Variants in NRIP2 observed in about 807,000 individuals in gnomAD.
NRIP2 encodes the protein nuclear receptor interacting protein 2.
In NRIP2, 27 loss-of-function variants were observed where a neutral mutation model predicts 34.1. That is an observed-to-expected ratio of 0.79 (90% CI 0.58 to 1.09). The LOEUF is 1.09. Among genes scored for constraint, NRIP2 ranks in the 50% least tolerant of loss-of-function variants. The probability of loss-of-function intolerance (pLI) is 0.00; values close to 1 mark genes in which losing one functional copy is unlikely to be tolerated. For synonymous variants in NRIP2, 145 were observed against 146.9 expected, an observed-to-expected ratio of 0.99 and a Z score of 0.09; for missense variants, 385 against 352.6, an observed-to-expected ratio of 1.09 and a Z score of -0.74.
chr12:2,834,636 C>A lies in NRIP2; in HGVS notation c.342+6G>T. ...GGACGCTGGCAGGGGAGGGGTGATG[C>A]CTCACCAAGTCCTTGGAGGTGCCGA... On this transcript the variant is annotated splice_donor_region_variant and intron_variant, in intron 1 of 5. Coordinates refer to ENST00000337508, the MANE Select transcript of NRIP2 (RefSeq NM_031474.3). 1 of 1,576,370 alleles carries A rather than the reference C, an allele frequency of 6.3e-7. No homozygotes were observed.
In NRIP2 at chr12:2,834,673, C is replaced by A. The variant is rs1455020939; in HGVS notation, c.311G>T (p.Ser104Ile). ...CTTGGAGGTGCCGAGCCTCTTGAGG[C>A]TGTCCAGCGGGAGCAGGTCGGCCGA... ...KDSADLLPLDSLKRLGTSKDL... is the reference protein window; with the variant it reads ...KDSADLLPLDILKRLGTSKDL... The change falls in exon 1 of 6, where the codon AGC becomes ATC. Residue 104 changes from serine (S) to isoleucine (I), a missense_variant. Physicochemically the swap from Ser to Ile is moderately radical, Grantham distance 142 (BLOSUM62 -2). Coordinates refer to ENST00000337508, the MANE Select transcript of NRIP2 (RefSeq NM_031474.3). 6.2e-7 allele frequency: 1 copy of A among 1,610,344 alleles called. No individual in the cohort carries two copies.
At position 2,825,757 on chromosome 12, in the gene NRIP2, C is replaced by G. The variant is rs1411538397; in HGVS notation, c.*1450G>C. 1 of 152,346 alleles carries G rather than the reference C, an allele frequency of 6.6e-6. No individual in the cohort carries two copies. Among genetic ancestry groups the G allele is most frequent in the East Asian group, 1.9e-4 (1 of 5,196 alleles). The allele number at this position is 152,346 out of a possible 1,614,324, so 9.4% of individuals were successfully genotyped here. ...AGGTTAGCTGTACCACTGTCTTTCT[C>G]TGCTCCTTTTTTGTTTGTTTTTGGA... On this transcript the variant is annotated 3_prime_UTR_variant, in exon 6 of 6. Transcript: ENST00000337508.
chr12:2,828,548 CT>C, intron 2 of NRIP2, 134 bp from the exon 3 acceptor site: 2 of 744,428 alleles, frequency 2.7e-6, no homozygotes, highest in Admixed American at 2.7e-5. Context: ...TTAAAACTGG[CT>C]TTTATCGGGG....
rs915377989 is a variant in NRIP2, at chr12:2,825,478, G to A, written c.*1729C>T. On this transcript the variant is annotated 3_prime_UTR_variant, in exon 6 of 6. Coordinates refer to ENST00000337508, the MANE Select transcript of NRIP2 (RefSeq NM_031474.3). Reference sequence around the variant, plus strand: ...GCACAGCACAAGACCCAGGAAAGTGGACCTTGTGGAGCAAGGCAGTGAGGG... The same window carrying A: ...GCACAGCACAAGACCCAGGAAAGTGAACCTTGTGGAGCAAGGCAGTGAGGG... 19 of 152,508 alleles carry A rather than the reference G, an allele frequency of 1.2e-4. No individual in the cohort carries two copies. Among genetic ancestry groups the A allele is most frequent in the African/African-American group, 4.6e-4 (19 of 41,470 alleles). 9.4% of individuals were successfully genotyped at this position (152,508 alleles called of 1,614,324 possible).
In NRIP2 at chr12:2,827,855, C is replaced by T; in HGVS notation, c.700+71G>A. The T allele has an allele frequency of 6.2e-7, 1 of 1,610,146 alleles. No homozygotes were observed. The highest frequency in any genetic ancestry group is 8.5e-7 in the Non-Finnish European group (1 of 1,178,986). On this transcript the variant is annotated intron_variant, in intron 4 of 5. Transcript: ENST00000337508. The surrounding 1 kb of genome is among the most constrained non-coding windows in gnomAD (Gnocchi z 4.0). ...TCCTCGTGCTGCAGGGAGTGAAAGT[C>T]TCAGCCTTTGCCCCACCCCAAAGAG...
chr12:2,830,539 T>C, intron 2 of NRIP2, 169 bp downstream of exon 2: 1 of 624,910 alleles, frequency 1.6e-6, no homozygotes, highest in African/African-American at 1.9e-5. Context: ...GAGACATGGC[T>C]TGGGGCAGGG....
rs1464373668 is a variant in NRIP2 at position 2,826,466 on chromosome 12, C to T, written c.*741G>A. The T allele has an allele frequency of 6.6e-6, 1 of 152,148 alleles. No individual in the cohort carries two copies. Among genetic ancestry groups the T allele is most frequent in the African/African-American group, 2.4e-5 (1 of 41,366 alleles). 9.4% of individuals were successfully genotyped at this position (152,148 alleles called of 1,614,324 possible). ...CTTCCACACACACACACGCAAGGCT[C>T]AGGGGCTCGGTGGGTACAAAAAGCC... On this transcript the variant is annotated 3_prime_UTR_variant, in exon 6 of 6. Transcript: ENST00000337508.
At position 2,827,571 on chromosome 12, in the gene NRIP2, C is replaced by T; in HGVS notation, c.753+54G>A. Reference sequence around the variant, plus strand: ...ACCTGGTCCAGGTTCCACACCTGTGCCTTCTACTACTTTTTCCCAGTGCTT... The same window carrying T: ...ACCTGGTCCAGGTTCCACACCTGTGTCTTCTACTACTTTTTCCCAGTGCTT... On this transcript the variant is annotated intron_variant, in intron 5 of 5. Transcript: ENST00000337508. This position sits in a 1 kb window ranked among gnomAD's most constrained non-coding sequence, Gnocchi z 4.0. 5 of 1,613,230 alleles carry T rather than the reference C, an allele frequency of 3.1e-6. No homozygotes were observed. Among genetic ancestry groups the T allele is most frequent in the East Asian group, 2.2e-5 (1 of 44,870 alleles).
At position 2,826,817 on chromosome 12, in the gene NRIP2, TGGG is replaced by T; in HGVS notation, c.*387_*389del. ...AGGTGTGGTGAGAGACATGGTGGTG[TGGG>T]AAGTTGAGTTGTGTTTGGGGTGGTA... On this transcript the variant is annotated 3_prime_UTR_variant, in exon 6 of 6. Coordinates refer to ENST00000337508, the MANE Select transcript of NRIP2 (RefSeq NM_031474.3). 3.4e-5 allele frequency: 9 copies of T among 265,290 alleles called. No homozygotes were observed. The highest frequency in any genetic ancestry group is 8.8e-5 in the South Asian group (2 of 22,746). 16.4% of individuals were successfully genotyped at this position (265,290 alleles called of 1,614,324 possible). A position where few individuals can be genotyped will look rare whatever the true frequency, so the allele number is the denominator to read the frequency against.
Position 2,828,006 on chromosome 12 carries a change from G to C in NRIP2, c.620C>G (p.Ala207Gly). Residue 207 changes from alanine (A) to glycine (G), a missense_variant, in exon 4 of 6, where the codon GCC (alanine) becomes GGC (glycine). Physicochemically the swap from Ala to Gly is moderately conservative, Grantham distance 60. Transcript: ENST00000337508. The part of the protein sequence containing the change: ...RVLKASAGDL[A>G]PGPPTQVEQL... Reference sequence around the variant, plus strand: ...CTCCACCTGGGTTGGGGGCCCAGGGGCCAGGTCCCCAGCTGAGGCTTTTAG... The same window carrying C: ...CTCCACCTGGGTTGGGGGCCCAGGGCCCAGGTCCCCAGCTGAGGCTTTTAG... 6.2e-7 allele frequency: 1 copy of C among 1,614,194 alleles called. No homozygotes were observed. Among genetic ancestry groups the C allele is most frequent in the African/African-American group, 1.3e-5 (1 of 75,064 alleles).
chr12:2,834,801 C>G lies in NRIP2; in HGVS notation c.183G>C (p.Glu61Asp), dbSNP rs745463619. Reference protein sequence around the residue: ...MSTKQEARRDEGEARTRGQEA... With the variant: ...MSTKQEARRDDGEARTRGQEA... ...CCTGCCCCCTCGTCCTGGCTTCTCC[C>G]TCATCTCTCCTGGCCTCCTGCTTGG... Residue 61 changes from glutamate (E) to aspartate (D), a missense_variant, in exon 1 of 6, where the codon GAG becomes GAC. Glu to Asp is a conservative substitution (Grantham distance 45). Coordinates refer to ENST00000337508, the MANE Select transcript of NRIP2 (RefSeq NM_031474.3). The G allele has an allele frequency of 6.2e-7, 1 of 1,613,570 alleles. No individual in the cohort carries two copies.
intron 1 of NRIP2, among the ~76,000 whole-genome samples, chr12:2,832,791 C>A (rs1226158676): frequency 6.7e-6 from 1 of 149,820 alleles, no homozygotes. Context: ...GACTCTTCCC[C>A]CAGGCTCTAT....
chr12:2,830,956 C>G (rs559381599), intron 1 of NRIP2, 96 bp from the exon 2 acceptor site: 42 of 1,358,636 alleles, frequency 3.1e-5, no homozygotes, highest in African/African-American at 1.5e-5. Flanking sequence ...ATGCTCCCCC[C>G]ACCCCCCCAG....
rs550525368 is a variant in NRIP2, at chr12:2,828,527, A to T, written c.496-113T>A. 1.7e-5 allele frequency: 14 copies of T among 846,612 alleles called. No individual in the cohort carries two copies. In the East Asian group the frequency reaches 3.2e-4, roughly 19 times the overall value. The allele number at this position is 846,612 out of a possible 1,614,324, so 52.4% of individuals were successfully genotyped here. On this transcript the variant is annotated intron_variant, in intron 2 of 5. Coordinates refer to ENST00000337508, the MANE Select transcript of NRIP2 (RefSeq NM_031474.3). ...TCCCTCCTAGAAATGAGTGGAGAAA[A>T]TGAACTGTCTTTAAAACTGGCTTTT... is the stretch of plus-strand genomic sequence containing the variant.
At position 2,834,682 on chromosome 12, in the gene NRIP2, G is replaced by C. The variant is rs761003150; in HGVS notation, c.302C>G (p.Pro101Arg). ...GCCGAGCCTCTTGAGGCTGTCCAGC[G>C]GGAGCAGGTCGGCCGAGTCCTTGTG... is the stretch of plus-strand genomic sequence containing the variant. ...FLHKDSADLLPLDSLKRLGTS... is the reference protein window; with the variant it reads ...FLHKDSADLLRLDSLKRLGTS... The change falls in exon 1 of 6, where the codon CCG becomes CGG. Residue 101 changes from proline (P) to arginine (R), a missense_variant. Transcript: ENST00000337508. 3 of 1,612,596 alleles carry C rather than the reference G, an allele frequency of 1.9e-6. No homozygotes were observed. Among genetic ancestry groups the C allele is most frequent in the Non-Finnish European group, 2.5e-6 (3 of 1,179,250 alleles).
chr12:2,830,973 G>T, intron 1 of NRIP2, 113 bp from the exon 2 acceptor site: 1 of 1,108,916 alleles, frequency 9.0e-7, no homozygotes, highest in Non-Finnish European at 1.2e-6. Flanking sequence ...CCAGCCCTGA[G>T]CCTTACCCTA....
chr12:2,831,206 GGTT>G (rs937774072), intron 1 of NRIP2, among the ~76,000 whole-genome samples: 1 of 151,622 alleles, frequency 6.6e-6, no homozygotes, highest in South Asian at 2.1e-4. Context: ...TAACTAGGAG[GGTT>G]TTTTTTTTCT....
At chr12:2,833,676 C>T (rs2098014279) in intron 1 of NRIP2, among the ~76,000 whole-genome samples, 1 of 152,120 alleles carries the variant, frequency 6.6e-6, no homozygotes, top group South Asian at 2.1e-4. Context: ...TCCTCTCTTC[C>T]ACGGGTCAGA....
In NRIP2 at chr12:2,834,776, C is replaced by T. The variant is rs201909096; in HGVS notation, c.208G>A (p.Glu70Lys). ...TGGGCTCGGTCTCGAAGCTGTGCCT[C>T]CTGCCCCCTCGTCCTGGCTTCTCCC... ...DEGEARTRGQEAQLRDRAHLS... is the reference protein window; with the variant it reads ...DEGEARTRGQKAQLRDRAHLS... The change falls in exon 1 of 6, where the codon GAG becomes AAG. Residue 70 changes from glutamate (E) to lysine (K), a missense_variant. Physicochemically the swap from Glu to Lys is moderately conservative, Grantham distance 56. Coordinates refer to ENST00000337508, the MANE Select transcript of NRIP2 (RefSeq NM_031474.3). The T allele has an allele frequency of 1.5e-4, 243 of 1,613,736 alleles. No individual in the cohort carries two copies. Among genetic ancestry groups the T allele is most frequent in the Non-Finnish European group, 1.9e-4 (221 of 1,179,972 alleles).
Sources: allele counts gnomAD v4.1 joint callset (sites outside exome capture counted in the v4.1 genomes callset), GRCh38; gene constraint gnomAD v4.1.1; non-coding constraint Gnocchi (gnomAD v3.1); transcripts MANE v1.5; gene names NCBI Gene and HGNC (gene_info 2026-07-23, HGNC 2026-07-21).